The following ERBB4 variants were observed in gnomAD, a reference collection of about 807,000 sequenced individuals.
ERBB4 encodes erb-b2 receptor tyrosine kinase 4, also known as receptor tyrosine-protein kinase erbB-4.
A neutral mutation model predicts 158.0 loss-of-function variants in ERBB4; 42 were observed. The observed-to-expected ratio is 0.27, with a 90% CI of 0.21 to 0.34. The LOEUF is 0.34. Among genes scored for constraint, ERBB4 ranks in the 10% least tolerant of loss-of-function variants. The probability of loss-of-function intolerance (pLI) is 1.00; values close to 1 mark genes in which losing one functional copy is unlikely to be tolerated. For missense variants in ERBB4, 1,333 were observed against 1,624.1 expected (o/e 0.82, Z 3.08); for synonymous variants, 583 against 558.7 (o/e 1.04, Z -0.61).
At chr2:212,017,794 G>C (rs2076561584) in intron 2 of ERBB4, among the ~76,000 whole-genome samples, 1 of 152,088 alleles carries the variant, frequency 6.6e-6, no homozygotes, top group South Asian at 2.1e-4. Context: ...TAGATGGTTT[G>C]CCTCTGGAAG....
At chr2:211,567,150 C>G (rs999205568) in intron 19 of ERBB4, among the ~76,000 whole-genome samples, 1 of 152,212 alleles carries the variant, frequency 6.6e-6, no homozygotes, top group Admixed American at 6.5e-5. Flanking sequence ...GAAACCAAAA[C>G]TCAATGAGAT....
At chr2:212,127,831 A>G (rs1047850496) in intron 1 of ERBB4, among the ~76,000 whole-genome samples, 1 of 152,116 alleles carries the variant, frequency 6.6e-6, no homozygotes, top group South Asian at 2.1e-4. Flanking sequence ...AGGAATGCCA[A>G]AGATTGATGG....
intron 1 of ERBB4, among the ~76,000 whole-genome samples, chr2:212,453,162 TATATG>T (rs1688092032): frequency 6.6e-6 from 1 of 152,206 alleles, no homozygotes; most frequent in African/African-American, 2.4e-5. Context: ...ATAAAAATGT[TATATG>T]ATGATAATCA....
intron 1 of ERBB4, 76 bp from the exon 2 acceptor site, chr2:212,124,979 A>C: frequency 6.5e-7 from 1 of 1,528,616 alleles, no homozygotes; most frequent in Non-Finnish European, 9.0e-7. Flanking sequence ...CTTTCTCAAA[A>C]CTCTCTATTC....
At chr2:211,414,037 C>A (rs1020308098) in intron 25 of ERBB4, among the ~76,000 whole-genome samples, 4 of 152,088 alleles carry the variant, frequency 2.6e-5, no homozygotes, top group African/African-American at 9.7e-5. Flanking sequence ...GCACCCCATG[C>A]AGGCTTCCTT....
At chr2:211,555,120 A>T (rs2067202001) in intron 20 of ERBB4, among the ~76,000 whole-genome samples, 1 of 152,240 alleles carries the variant, frequency 6.6e-6, no homozygotes, top group African/African-American at 2.4e-5. Context: ...TCAAGTCCAA[A>T]GGCAGCACAT....
At chr2:212,344,918 C>T (rs1347188777) in intron 1 of ERBB4, among the ~76,000 whole-genome samples, 2 of 151,892 alleles carry the variant, frequency 1.3e-5, no homozygotes, top group Admixed American at 1.3e-4. Flanking sequence ...AATGGTAGTA[C>T]ATCTCTCATA....
chr2:211,910,447 C>A (rs1289026305), intron 3 of ERBB4, among the ~76,000 whole-genome samples: 2 of 149,750 alleles, frequency 1.3e-5, no homozygotes, highest in South Asian at 2.2e-4. Context: ...AGCTGGAGGC[C>A]ATTATCCTTA....
At chr2:211,861,137 TATATATA>T (rs1254948515) in intron 3 of ERBB4, among the ~76,000 whole-genome samples, 1 of 30,394 alleles carries the variant, frequency 3.3e-5, no homozygotes, top group Non-Finnish European at 6.8e-5. Flanking sequence ...TATATATATA[TATATATA>T]TATATATATA....
At chr2:211,675,467 A>C (rs2072025033) in intron 13 of ERBB4, among the ~76,000 whole-genome samples, 1 of 152,024 alleles carries the variant, frequency 6.6e-6, no homozygotes, top group African/African-American at 2.4e-5. Flanking sequence ...AAAAAGACTT[A>C]GAAGGAGCTT....
chr2:212,004,577 T>A (rs189647604), intron 2 of ERBB4, among the ~76,000 whole-genome samples: 53 of 152,310 alleles, frequency 3.5e-4, no homozygotes, highest in Admixed American at 1.0e-3. Context: ...TTTACTTTTT[T>A]ATTTTTTAAA....
intron 19 of ERBB4, among the ~76,000 whole-genome samples, chr2:211,563,365 T>G (rs2067458741): frequency 6.6e-6 from 1 of 152,232 alleles, no homozygotes; most frequent in Non-Finnish European, 1.5e-5. Context: ...CGTAGTATTC[T>G]TGTCAATAAT....
intron 3 of ERBB4, among the ~76,000 whole-genome samples, chr2:211,849,450 A>G (rs1030605441): frequency 1.3e-5 from 2 of 151,960 alleles, no homozygotes; most frequent in Non-Finnish European, 2.9e-5. Flanking sequence ...GTAGTACCCA[A>G]TTATTATAGT....
rs1211766585 is a variant in ERBB4 at position 211,709,235 on chromosome 2, GTATATATATATATATACACA to G, written c.1124+2795_1124+2814del. 1.1e-3 allele frequency among the ~76,000 whole-genome samples: 117 copies of G among 103,218 alleles called. 1 individual carries two copies. Among genetic ancestry groups the G allele is most frequent in the African/African-American group, 4.6e-3 (113 of 24,698 alleles). The allele number at this position is 103,218 out of a possible 152,430, so 67.7% of individuals were successfully genotyped here. A position where few individuals can be genotyped will look rare whatever the true frequency, so the allele number is the denominator to read the frequency against. On this transcript the variant is annotated intron_variant, in intron 9 of 27. Coordinates refer to ENST00000342788, the MANE Select transcript of ERBB4 (RefSeq NM_005235.3). ...GGTGACTATATATATGCGTGTGTGT[GTATATATATATATATACACA>G]TATATATATATATATATATACATAC...
chr2:212,293,564 T>C (rs924666096), intron 1 of ERBB4, among the ~76,000 whole-genome samples: 2 of 152,058 alleles, frequency 1.3e-5, no homozygotes, highest in Non-Finnish European at 2.9e-5. Flanking sequence ...GTCATACATA[T>C]TGGCCGGGCA....
chr2:211,853,757 C>T (rs969979747), intron 3 of ERBB4, among the ~76,000 whole-genome samples: 3 of 152,004 alleles, frequency 2.0e-5, no homozygotes, highest in Non-Finnish European at 2.9e-5. Context: ...GGACTTTACA[C>T]TATTGTGATT....
At chr2:211,951,989 A>C (rs2080886596) in intron 2 of ERBB4, among the ~76,000 whole-genome samples, 1 of 152,064 alleles carries the variant, frequency 6.6e-6, no homozygotes, top group Non-Finnish European at 1.5e-5. Context: ...TCTGACCCAG[A>C]AAAATAATGT....
intron 20 of ERBB4, among the ~76,000 whole-genome samples, chr2:211,521,183 T>G (rs1037116703): frequency 6.6e-6 from 1 of 152,132 alleles, no homozygotes; most frequent in Non-Finnish European, 1.5e-5. Flanking sequence ...TGAAAGCTAG[T>G]CCCCTTGCAC....
intron 20 of ERBB4, among the ~76,000 whole-genome samples, chr2:211,500,755 A>G (rs919171680): frequency 4.6e-5 from 7 of 151,924 alleles, no homozygotes; most frequent in African/African-American, 1.7e-4. Context: ...TTCTTCCACA[A>G]TTTTTTGAAA....
Sources: allele counts gnomAD v4.1 joint callset (sites outside exome capture counted in the v4.1 genomes callset), GRCh38; gene constraint gnomAD v4.1.1; transcripts MANE v1.5; gene names NCBI Gene and HGNC (gene_info 2026-07-23, HGNC 2026-07-21).